Variants in HS3ST4 observed in about 807,000 individuals in gnomAD.
HS3ST4 encodes the protein heparan sulfate glucosamine 3-O-sulfotransferase 4.
Under a neutral mutation model 29.2 loss-of-function variants are expected in HS3ST4, and 17 were observed. The observed-to-expected ratio is 0.58, with a 90% confidence interval of 0.40 to 0.87. HS3ST4 has a LOEUF of 0.87. Ranked by LOEUF, HS3ST4 falls within the 40% of genes least tolerant of loss-of-function variation. The pLI is 0.00. For missense variants in HS3ST4, 627 were observed against 634.5 expected (o/e 0.99, Z 0.13); for synonymous variants, 314 against 285.7 (o/e 1.10, Z -1.00).
chr16:25,978,054 T>TA (rs1968962419), intron 1 of HS3ST4, among the ~76,000 whole-genome samples: 1 of 152,190 alleles, frequency 6.6e-6, no homozygotes, highest in Non-Finnish European at 1.5e-5. Context: ...AAAATGGAGA[T>TA]AAAAATGTCT....
chr16:25,980,442 T>G (rs961497741), intron 1 of HS3ST4, among the ~76,000 whole-genome samples: 1 of 152,180 alleles, frequency 6.6e-6, no homozygotes, highest in Non-Finnish European at 1.5e-5. Context: ...TTTGATCTCT[T>G]GACACCCTGT....
At chr16:25,907,218 A>G (rs1968187922) in intron 1 of HS3ST4, among the ~76,000 whole-genome samples, 1 of 152,164 alleles carries the variant, frequency 6.6e-6, no homozygotes, top group Admixed American at 6.5e-5. Flanking sequence ...ATTAAAATAA[A>G]AAAAGATACT....
At chr16:25,797,583 A>G (rs539910784) in intron 1 of HS3ST4, among the ~76,000 whole-genome samples, 2 of 152,328 alleles carry the variant, frequency 1.3e-5, no homozygotes, top group East Asian at 1.9e-4. Flanking sequence ...TGTTGTTATT[A>G]ATACCTCTTG....
intron 1 of HS3ST4, among the ~76,000 whole-genome samples, chr16:25,876,803 G>A (rs56304431): frequency 0.22 from 34,122 of 151,854 alleles, 4,350 homozygotes; most frequent in Non-Finnish European, 0.3. Context: ...CATTATTGAC[G>A]CTTCAGTTGT....
At chr16:25,876,648 G>T (rs937180590) in intron 1 of HS3ST4, among the ~76,000 whole-genome samples, 2 of 152,082 alleles carry the variant, frequency 1.3e-5, no homozygotes, top group Admixed American at 6.6e-5. Context: ...TGGGGGTAGG[G>T]TCATCCCACT....
intron 1 of HS3ST4, among the ~76,000 whole-genome samples, chr16:25,828,309 T>TTTCTTTCTTTCTTTCTTTCC (rs1183012834): frequency 9.4e-6 from 1 of 106,334 alleles, no homozygotes; most frequent in African/African-American, 3.9e-5. Flanking sequence ...TCCCTCTCTC[T>TTTCTTTCTTTCTTTCTTTCC]CTCTCTCTCT....
chr16:26,078,774 C>A (rs942534544), intron 1 of HS3ST4, among the ~76,000 whole-genome samples: 2 of 152,096 alleles, frequency 1.3e-5, no homozygotes, highest in African/African-American at 4.8e-5. Context: ...GGCTTACAGG[C>A]AAATAGATTT....
At chr16:25,839,579 C>T (rs1967392859) in intron 1 of HS3ST4, among the ~76,000 whole-genome samples, 1 of 152,210 alleles carries the variant, frequency 6.6e-6, no homozygotes, top group Non-Finnish European at 1.5e-5. Flanking sequence ...GGAGACTTCT[C>T]TTTCAGTTAT....
chr16:25,891,318 CTA>C (rs1023883388), intron 1 of HS3ST4, among the ~76,000 whole-genome samples: 1 of 152,156 alleles, frequency 6.6e-6, no homozygotes. Flanking sequence ...CTTGAAATGA[CTA>C]TTTTTTTAGG....
chr16:25,905,674 G>C (rs1968171933), intron 1 of HS3ST4, among the ~76,000 whole-genome samples: 1 of 152,136 alleles, frequency 6.6e-6, no homozygotes. Flanking sequence ...AATTAATCAG[G>C]AACTAGAATG....
chr16:26,064,070 T>C (rs961846010), intron 1 of HS3ST4, among the ~76,000 whole-genome samples: 1 of 151,424 alleles, frequency 6.6e-6, no homozygotes, highest in African/African-American at 2.4e-5. Context: ...GTAGGTAACA[T>C]AAACAAGAGA....
chr16:26,072,179 G>T (rs1410491155), intron 1 of HS3ST4, among the ~76,000 whole-genome samples: 1 of 152,170 alleles, frequency 6.6e-6, no homozygotes, highest in Non-Finnish European at 1.5e-5. Flanking sequence ...TTCAGCAAAT[G>T]CCTTTCCTTT....
intron 1 of HS3ST4, among the ~76,000 whole-genome samples, chr16:25,732,527 A>G (rs1325067346): frequency 6.6e-6 from 1 of 152,140 alleles, no homozygotes; most frequent in Non-Finnish European, 1.5e-5. Context: ...TTTCACAGTG[A>G]CACCCCGTCA....
At chr16:26,080,894 T>C (rs1898715812) in intron 1 of HS3ST4, among the ~76,000 whole-genome samples, 2 of 152,150 alleles carry the variant, frequency 1.3e-5, no homozygotes. Flanking sequence ...ATCAACAGCA[T>C]CTGCAACATC....
At chr16:25,881,287 A>C (rs568261709) in intron 1 of HS3ST4, among the ~76,000 whole-genome samples, 3 of 152,320 alleles carry the variant, frequency 2.0e-5, no homozygotes, top group African/African-American at 7.2e-5. Context: ...TATAAATTAA[A>C]ACAAATTTTG....
At chr16:25,777,412 AGTGT>A (rs56191219) in intron 1 of HS3ST4, among the ~76,000 whole-genome samples, 16,573 of 147,790 alleles carry the variant, frequency 0.11, 950 homozygotes, top group Non-Finnish European at 0.14. Flanking sequence ...AGCACACCAA[AGTGT>A]GTGTGTGTGT....
At chr16:25,981,902 G>T (rs184293995) in intron 1 of HS3ST4, among the ~76,000 whole-genome samples, 193 of 152,262 alleles carry the variant, frequency 1.3e-3, no homozygotes, top group African/African-American at 4.5e-3. Context: ...GCTGTAACAT[G>T]GAGTTGGTGC....
intron 1 of HS3ST4, among the ~76,000 whole-genome samples, chr16:25,846,885 G>T (rs1444769256): frequency 6.6e-6 from 1 of 151,976 alleles, no homozygotes. Flanking sequence ...GGTACTATCT[G>T]TTGTGTTCCA....
chr16:25,897,056 C>T (rs1432822334), intron 1 of HS3ST4, among the ~76,000 whole-genome samples: 3 of 152,124 alleles, frequency 2.0e-5, no homozygotes, highest in African/African-American at 7.2e-5. Flanking sequence ...ACTGTGTTCA[C>T]TTGCTGAGTG....
Sources: allele counts gnomAD v4.1 joint callset (sites outside exome capture counted in the v4.1 genomes callset), GRCh38; gene constraint gnomAD v4.1.1; transcripts MANE v1.5; gene names NCBI Gene and HGNC (gene_info 2026-07-23, HGNC 2026-07-21).